TOGARAM1: variants seen among roughly 807,000 people sequenced by gnomAD.
TOGARAM1 encodes TOG array regulator of axonemal microtubules 1.
Under a neutral mutation model 166.6 loss-of-function variants are expected in TOGARAM1, and 100 were observed. The ratio of observed to expected loss-of-function variants is 0.60; its 90% CI spans 0.51 to 0.71. The LOEUF (loss-of-function observed/expected upper bound fraction) is 0.71. Among genes scored for constraint, TOGARAM1 ranks in the 30% least tolerant of loss-of-function variants. The probability of loss-of-function intolerance (pLI) is 0.00; values close to 1 mark genes in which losing one functional copy is unlikely to be tolerated. For synonymous variants in TOGARAM1, 758 were observed against 763.8 expected, an observed-to-expected ratio of 0.99 and a Z score of 0.13; for missense variants, 2,029 against 2,102.7, an observed-to-expected ratio of 0.96 and a Z score of 0.69.
intron 7 of TOGARAM1, among the ~76,000 whole-genome samples, chr14:45,021,986 G>A (rs1399219281): frequency 1.3e-5 from 2 of 152,102 alleles, no homozygotes; most frequent in African/African-American, 2.4e-5. Context: ...TTCTTAGTAA[G>A]GCTATAGGCA....
In TOGARAM1 at chr14:44,975,189, C is replaced by G. The variant is rs1886111491; in HGVS notation, c.2046+10722C>G. On this transcript the variant is annotated intron_variant, in intron 1 of 19. Transcript: ENST00000361462. ...TTTCATTAGCCACTTTGACACAGAT[C>G]AACTGAAAACATCCAATAACTACAT... 2.0e-5 allele frequency among the ~76,000 whole-genome samples: 3 copies of G among 152,090 alleles called. No individual in the cohort carries two copies. The South Asian group carries it at 6.2e-4, about 32-fold the overall frequency.
chr14:45,065,684 C>G (rs1883108257), intron 16 of TOGARAM1, among the ~76,000 whole-genome samples: 1 of 152,150 alleles, frequency 6.6e-6, no homozygotes. Context: ...GTTAACATAA[C>G]AGGGCCCAAG....
chr14:45,018,309 G>A (rs1004288618), intron 7 of TOGARAM1, among the ~76,000 whole-genome samples: 8 of 151,732 alleles, frequency 5.3e-5, no homozygotes, highest in African/African-American at 1.9e-4. Flanking sequence ...GTGCAGTCTT[G>A]GCTCACTGCA....
At chr14:44,999,578 T>G in intron 3 of TOGARAM1, 81 bp downstream of exon 3, 1 of 1,198,350 alleles carries the variant, frequency 8.3e-7, no homozygotes. Flanking sequence ...TATGATATTT[T>G]GTGTACTCAT....
chr14:44,964,464 G>GC lies in TOGARAM1; in HGVS notation c.2044dup (p.Gln682ProfsTer6). ...AGACCTCCACTTCCAAGGATATAGAGCAGGTATGCTTCTCTAATTTTCTTG... is the reference window on the plus strand; with the variant it reads ...AGACCTCCACTTCCAAGGATATAGAGCCAGGTATGCTTCTCTAATTTTCTTG... On this transcript the variant is annotated frameshift_variant, in exon 1 of 20. Coordinates refer to ENST00000361462, the MANE Select transcript of TOGARAM1 (RefSeq NM_001308120.2). LOFTEE classifies it high-confidence loss of function. The GC allele has an allele frequency of 6.5e-7, 1 of 1,545,872 alleles. No homozygotes were observed. The highest frequency in any genetic ancestry group is 8.7e-7 in the Non-Finnish European group (1 of 1,147,750).
chr14:45,033,379 C>T (rs1321666391), intron 11 of TOGARAM1, among the ~76,000 whole-genome samples: 2 of 152,112 alleles, frequency 1.3e-5, no homozygotes, highest in East Asian at 1.9e-4. Context: ...AGGTAATAGG[C>T]GTTTTAGACT....
chr14:44,988,786 G>C lies in TOGARAM1; in HGVS notation c.2047-6960G>C, dbSNP rs574878236. 1.9e-3 allele frequency among the ~76,000 whole-genome samples: 282 copies of C among 152,274 alleles called. 2 individuals carry two copies. The highest frequency in any genetic ancestry group is 6.4e-3 in the African/African-American group (265 of 41,556). Reference sequence around the variant, plus strand: ...TGCAGCTTCCATGTCAGTTGCTCTCGCTCACTTGACTTGCTCTGAAGGAAG... The same window carrying C: ...TGCAGCTTCCATGTCAGTTGCTCTCCCTCACTTGACTTGCTCTGAAGGAAG... On this transcript the variant is annotated intron_variant, in intron 1 of 19. Transcript: ENST00000361462.
chr14:45,064,717 G>A (rs1883059412), intron 16 of TOGARAM1, among the ~76,000 whole-genome samples: 1 of 152,164 alleles, frequency 6.6e-6, no homozygotes, highest in African/African-American at 2.4e-5. Context: ...TATTACCAAT[G>A]TAACAGTCTC....
At position 45,065,304 on chromosome 14, in the gene TOGARAM1, T is replaced by G. The variant is rs542645935; in HGVS notation, c.4560-1274T>G. On this transcript the variant is annotated intron_variant, in intron 16 of 19. Transcript: ENST00000361462. ...AAGGATGATCATCTAAACAGGGGTG[T>G]CCAATCTTTTGCTTCCCTTGCCACA... is the stretch of plus-strand genomic sequence containing the variant. Among the ~76,000 whole-genome samples, 17 of 152,296 alleles carry G rather than the reference T, an allele frequency of 1.1e-4. 3 individuals are homozygous for G. The highest frequency in any genetic ancestry group is 3.4e-4 in the African/African-American group (14 of 41,560).
At chr14:45,038,530 C>T (rs186610648) in intron 11 of TOGARAM1, among the ~76,000 whole-genome samples, 90 of 152,300 alleles carry the variant, frequency 5.9e-4, no homozygotes, top group Non-Finnish European at 7.9e-4. Flanking sequence ...TACAGCGGGA[C>T]CAGACATACC....
chr14:45,045,579 ATATATGTGTGTGTGTG>A (rs1482404699), intron 13 of TOGARAM1, among the ~76,000 whole-genome samples: 12 of 34,986 alleles, frequency 3.4e-4, no homozygotes, highest in African/African-American at 2.4e-3. Flanking sequence ...ATATATATAT[ATATATGTGTGTGTGTG>A]TGTGTGTGTG....
chr14:44,966,145 G>A (rs987774913), intron 1 of TOGARAM1, among the ~76,000 whole-genome samples: 42 of 151,466 alleles, frequency 2.8e-4, no homozygotes, highest in Admixed American at 2.4e-3. Context: ...GATTACAGGC[G>A]TGAGCCACCA....
In TOGARAM1 at chr14:45,068,646, A is replaced by T. The variant is rs1357137182; in HGVS notation, c.4969+3A>T. 6.4e-7 allele frequency: 1 copy of T among 1,566,666 alleles called. No individual in the cohort carries two copies. Among genetic ancestry groups the T allele is most frequent in the Non-Finnish European group, 8.7e-7 (1 of 1,154,810 alleles). ...TCAGGCACTGAGTCAGCATGTAGGT[A>T]AGAAATCTTACTTCGGCACTCAAAT... is the stretch of plus-strand genomic sequence containing the variant. On this transcript the variant is annotated splice_donor_region_variant and intron_variant, in intron 18 of 19. Coordinates refer to ENST00000361462, the MANE Select transcript of TOGARAM1 (RefSeq NM_001308120.2).
chr14:45,055,327 T>C (rs1262342399), intron 16 of TOGARAM1, among the ~76,000 whole-genome samples: 1 of 152,218 alleles, frequency 6.6e-6, no homozygotes, highest in Non-Finnish European at 1.5e-5. Flanking sequence ...TGTATGTTCT[T>C]GTCAGCTTTG....
intron 1 of TOGARAM1, among the ~76,000 whole-genome samples, chr14:44,994,827 A>G (rs760779090): frequency 3.9e-5 from 6 of 152,226 alleles, no homozygotes; most frequent in Non-Finnish European, 7.3e-5. Flanking sequence ...CCTGAGGCAT[A>G]ATAGACTTAC....
At chr14:45,028,419 A>C (rs1252983612) in intron 10 of TOGARAM1, 90 bp downstream of exon 10, 1 of 1,336,754 alleles carries the variant, frequency 7.5e-7, no homozygotes, top group African/African-American at 1.5e-5. Context: ...ATATATGACT[A>C]AGAATGAAAT....
intron 10 of TOGARAM1, among the ~76,000 whole-genome samples, chr14:45,031,098 ATC>A (rs1325571136): frequency 2.0e-5 from 3 of 152,136 alleles, no homozygotes; most frequent in African/African-American, 7.2e-5. Context: ...ATCAAGTGAA[ATC>A]TCTTATATTT....
intron 11 of TOGARAM1, among the ~76,000 whole-genome samples, chr14:45,038,019 A>G (rs1269035530): frequency 6.6e-6 from 1 of 151,900 alleles, no homozygotes; most frequent in Non-Finnish European, 1.5e-5. Context: ...CTCCATCTCA[A>G]AAAAAAAGAA....
rs139991231 is a variant in TOGARAM1, at chr14:44,992,016, C to A, written c.2047-3730C>A. On this transcript the variant is annotated intron_variant, in intron 1 of 19. Coordinates refer to ENST00000361462, the MANE Select transcript of TOGARAM1 (RefSeq NM_001308120.2). ...TACTTTGGTAGCTGAAGTGGCAAAA[C>A]CCTTGAGCCCATGAGTTCTAGGCCA... Among the ~76,000 whole-genome samples, 972 of 124,336 alleles carry A rather than the reference C, an allele frequency of 7.8e-3. 11 individuals are homozygous for A. The highest frequency in any genetic ancestry group is 0.027 in the African/African-American group (901 of 33,376). The allele number at this position is 124,336 out of a possible 152,430, so 81.6% of individuals were successfully genotyped here.
Sources: gnomAD v4.1 joint callset for allele counts (sites outside exome capture counted in the v4.1 genomes callset) on GRCh38, gnomAD v4.1.1 for gene constraint, MANE v1.5 for transcripts, NCBI Gene and HGNC (gene_info 2026-07-23, HGNC 2026-07-21) for gene names.